The following CLEC16A variants were observed in gnomAD, a reference collection of about 807,000 sequenced individuals.
CLEC16A encodes C-type lectin domain containing 16A.
CLEC16A carries 51 observed loss-of-function variants against 109.5 expected under a neutral mutation model. The ratio of observed to expected loss-of-function variants is 0.47; its 90% CI spans 0.37 to 0.59. CLEC16A has a LOEUF of 0.59. CLEC16A is among the 20% of genes least tolerant of loss of function. CLEC16A has a pLI of 0.00. For missense variants in CLEC16A, 1,339 were observed against 1,394.0 expected (o/e 0.96, Z 0.63); for synonymous variants, 673 against 564.2 (o/e 1.19, Z -2.73).
rs569032569 is a variant in CLEC16A at position 11,017,152 on chromosome 16, C to G, written c.1304-3041C>G. Among the ~76,000 whole-genome samples the G allele has an allele frequency of 2.0e-4, 31 of 152,288 alleles. 1 individual carries two copies. In the South Asian group the frequency reaches 4.8e-3, roughly 23 times the overall value. On this transcript the variant is annotated intron_variant, in intron 11 of 23. Transcript: ENST00000409790. ...AGACTTTGTCGGGGAGTGGCCCACCCCGCCTCAGATCACAGCTACCATGAA... is the reference window on the plus strand; with the variant it reads ...AGACTTTGTCGGGGAGTGGCCCACCGCGCCTCAGATCACAGCTACCATGAA...
chr16:11,097,893 A>G (rs1184540990), intron 19 of CLEC16A, among the ~76,000 whole-genome samples: 1 of 152,222 alleles, frequency 6.6e-6, no homozygotes. Flanking sequence ...GGCTCAGGGT[A>G]TGACCTTGGG....
chr16:11,126,002 C>T lies in CLEC16A; in HGVS notation c.2497C>T (p.Pro833Ser), dbSNP rs1345094192. Reference protein sequence around the residue: ...IAALLDLPIQPTTEVLGFGLG... With the variant: ...IAALLDLPIQSTTEVLGFGLG... ...AGCCCTCCTGGACCTCCCAATCCAG[C>T]CCACCACTGAAGTCCTGGGGTTTGG... Residue 833 changes from proline (P) to serine (S), a missense_variant, in exon 22 of 24, where the codon CCC becomes TCC. Pro to Ser is a moderately conservative substitution (Grantham distance 74). Coordinates refer to ENST00000409790, the MANE Select transcript of CLEC16A (RefSeq NM_015226.3). 2 of 1,612,952 alleles carry T rather than the reference C, an allele frequency of 1.2e-6. No homozygotes were observed. The highest frequency in any genetic ancestry group is 8.5e-7 in the Non-Finnish European group (1 of 1,179,610).
At chr16:11,002,035 T>C (rs1162669138) in intron 10 of CLEC16A, among the ~76,000 whole-genome samples, 1 of 152,198 alleles carries the variant, frequency 6.6e-6, no homozygotes, top group Non-Finnish European at 1.5e-5. Flanking sequence ...TGGGTTAAAA[T>C]TAATAATAAT....
intron 22 of CLEC16A, among the ~76,000 whole-genome samples, chr16:11,152,531 T>G (rs1334531938): frequency 2.6e-5 from 4 of 152,240 alleles, no homozygotes; most frequent in African/African-American, 4.8e-5. Flanking sequence ...ATCTGGTGGG[T>G]TGCACCTGTC....
intron 19 of CLEC16A, among the ~76,000 whole-genome samples, chr16:11,115,215 A>G (rs972580303): frequency 6.6e-6 from 1 of 152,210 alleles, no homozygotes; most frequent in African/African-American, 2.4e-5. Context: ...TGAAAACAGA[A>G]GGTAGTCAAG....
intron 3 of CLEC16A, among the ~76,000 whole-genome samples, chr16:10,964,940 G>A (rs1306205600): frequency 6.6e-6 from 1 of 152,168 alleles, no homozygotes; most frequent in African/African-American, 2.4e-5. Flanking sequence ...CAGATTTCAA[G>A]TCTGTAACAC....
intron 22 of CLEC16A, among the ~76,000 whole-genome samples, chr16:11,164,368 C>A (rs771900433): frequency 1.3e-5 from 2 of 152,160 alleles, no homozygotes; most frequent in African/African-American, 4.8e-5. Flanking sequence ...GATCTTTAGA[C>A]GAAAACAGCT....
intron 13 of CLEC16A, chr16:11,027,615 C>G: frequency 6.4e-7 from 1 of 1,557,900 alleles, no homozygotes; most frequent in Non-Finnish European, 8.7e-7. Context: ...CCCAGGGAAG[C>G]ATTTCCAGGA....
intron 11 of CLEC16A, 48 bp downstream of exon 11, chr16:11,003,353 C>G (rs201925024): frequency 5.2e-6 from 8 of 1,527,924 alleles, no homozygotes; most frequent in East Asian, 2.3e-5. Flanking sequence ...GCCAGCCAGC[C>G]CGCCAGCGAG....
chr16:11,144,913 C>A (rs747026494), intron 22 of CLEC16A, among the ~76,000 whole-genome samples: 16 of 152,254 alleles, frequency 1.1e-4, no homozygotes, highest in Non-Finnish European at 1.9e-4. Context: ...CTGGATGGCC[C>A]TGCCCTCATG....
At chr16:10,983,209 A>G (rs1596876116) in intron 10 of CLEC16A, among the ~76,000 whole-genome samples, 1 of 152,326 alleles carries the variant, frequency 6.6e-6, no homozygotes, top group East Asian at 1.9e-4. Context: ...GTGTGTTCTT[A>G]AACATGGAAT....
chr16:11,075,906 T>G (rs187369872), intron 19 of CLEC16A, among the ~76,000 whole-genome samples: 144 of 152,288 alleles, frequency 9.5e-4, no homozygotes, highest in Non-Finnish European at 1.8e-3. Context: ...CAAACCCCAC[T>G]ACTCCTCTGT....
At chr16:11,145,835 G>A (rs1362761890) in intron 22 of CLEC16A, among the ~76,000 whole-genome samples, 1 of 152,236 alleles carries the variant, frequency 6.6e-6, no homozygotes, top group Non-Finnish European at 1.5e-5. Flanking sequence ...GTCGGGTCAA[G>A]TGTCTCCTCT....
intron 22 of CLEC16A, among the ~76,000 whole-genome samples, chr16:11,126,965 A>T (rs2052868779): frequency 6.6e-6 from 1 of 152,244 alleles, no homozygotes; most frequent in Non-Finnish European, 1.5e-5. Flanking sequence ...ACCTGCTCAA[A>T]ACCCGAGTCC....
At chr16:11,132,253 C>G (rs961718477) in intron 22 of CLEC16A, among the ~76,000 whole-genome samples, 2 of 147,908 alleles carry the variant, frequency 1.4e-5, no homozygotes, top group Admixed American at 6.8e-5. Flanking sequence ...GCCCCCGCCC[C>G]CATCCAGCCC....
chr16:10,952,093 A>G (rs1453728006), intron 1 of CLEC16A, among the ~76,000 whole-genome samples: 1 of 152,262 alleles, frequency 6.6e-6, no homozygotes, highest in Non-Finnish European at 1.5e-5. Context: ...AATAGATTGC[A>G]ACTCCAGCAG....
At position 10,957,838 on chromosome 16, in the gene CLEC16A, T is replaced by G. The variant is rs1185128283; in HGVS notation, c.137T>G (p.Leu46Arg). The G allele has an allele frequency of 6.2e-7, 1 of 1,613,674 alleles. No homozygotes were observed. Among genetic ancestry groups the G allele is most frequent in the South Asian group, 1.1e-5 (1 of 91,076 alleles). Residue 46 changes from leucine to arginine, a missense_variant, in exon 2 of 24, where the codon CTG becomes CGG. Physicochemically the swap from Leu to Arg is moderately radical, Grantham distance 102 (BLOSUM62 -2). Around this residue, in one of 3 missense-constraint regions of CLEC16A, gnomAD observed 117 missense variants for 120.2 expected, o/e 0.97. Transcript: ENST00000409790. ...ACAGTCACAGAACAGAACCGGAACC[T>G]GCTAGTGGAGACCATCCGTTCCATC... ...NTTVTEQNRN[L>R]LVETIRSITE...
chr16:11,125,735 T>C (rs1251427732), intron 21 of CLEC16A, among the ~76,000 whole-genome samples: 1 of 152,152 alleles, frequency 6.6e-6, no homozygotes, highest in Non-Finnish European at 1.5e-5. Context: ...CTCAAACCCC[T>C]TTCTCCTTGG....
At chr16:11,071,239 C>A (rs949931402) in intron 19 of CLEC16A, 1 of 152,212 alleles carries the variant, frequency 6.6e-6, no homozygotes, top group East Asian at 1.9e-4. Flanking sequence ...CTGGAAAATT[C>A]TCTGTGTTGG....
Sources: allele counts gnomAD v4.1 joint callset (sites outside exome capture counted in the v4.1 genomes callset), GRCh38; gene constraint gnomAD v4.1.1; regional missense constraint gnomAD v4.1.1; transcripts MANE v1.5; gene names NCBI Gene and HGNC (gene_info 2026-07-23, HGNC 2026-07-21).